Variants in SMIM31 observed in about 807,000 individuals in gnomAD.
The protein encoded by SMIM31 is human epithelial cell program regulator.
intron 1 of SMIM31, among the ~76,000 whole-genome samples, chr4:164,767,376 A>T (rs1251104757): frequency 6.6e-6 from 1 of 152,242 alleles, no homozygotes; most frequent in African/African-American, 2.4e-5. Context: ...GATAGAATAT[A>T]TGATAAAAGG....
At chr4:164,783,622 CAT>C (rs1732989766) in intron 2 of SMIM31, among the ~76,000 whole-genome samples, 1 of 147,382 alleles carries the variant, frequency 6.8e-6, no homozygotes, top group Non-Finnish European at 1.5e-5. Context: ...CTTAGAAAAA[CAT>C]GTGATCCATA....
intron 2 of SMIM31, among the ~76,000 whole-genome samples, chr4:164,772,156 C>T (rs996937701): frequency 6.7e-4 from 102 of 152,254 alleles, no homozygotes; most frequent in African/African-American, 2.3e-3. Context: ...GTGAAAGCCT[C>T]AGAAAGCCTC....
intron 2 of SMIM31, among the ~76,000 whole-genome samples, chr4:164,799,221 C>T (rs1368794765): frequency 6.6e-6 from 1 of 151,540 alleles, no homozygotes; most frequent in Non-Finnish European, 1.5e-5. Flanking sequence ...CCCCATCCCT[C>T]CAAAACTACA....
chr4:164,774,061 G>A (rs1226935046), intron 2 of SMIM31, among the ~76,000 whole-genome samples: 7 of 151,852 alleles, frequency 4.6e-5, no homozygotes, highest in Non-Finnish European at 7.4e-5. Flanking sequence ...AGCTACTCGG[G>A]AGGCTGAGGC....
At chr4:164,756,521 G>A (rs1336984179) in intron 1 of SMIM31, among the ~76,000 whole-genome samples, 8 of 151,722 alleles carry the variant, frequency 5.3e-5, no homozygotes, top group East Asian at 1.9e-4. Context: ...GCAGTGAGGC[G>A]AGATCACGTC....
chr4:164,796,930 A>G (rs945714583), intron 2 of SMIM31, among the ~76,000 whole-genome samples: 5 of 152,198 alleles, frequency 3.3e-5, no homozygotes, highest in African/African-American at 4.8e-5. Flanking sequence ...AACAGAGCCA[A>G]ACGTCTTTCA....
intron 1 of SMIM31, among the ~76,000 whole-genome samples, chr4:164,768,977 T>C (rs1475005644): frequency 3.9e-5 from 6 of 152,228 alleles, no homozygotes; most frequent in Non-Finnish European, 7.4e-5. Flanking sequence ...ATTTCACACA[T>C]GATTCTGGGA....
intron 2 of SMIM31, among the ~76,000 whole-genome samples, chr4:164,786,428 G>T (rs1279036309): frequency 6.6e-6 from 1 of 152,104 alleles, no homozygotes; most frequent in Non-Finnish European, 1.5e-5. Context: ...TTTCCTTAGG[G>T]ATAGTTAAAA....
At chr4:164,777,374 T>C in intron 2 of SMIM31, among the ~76,000 whole-genome samples, 1 of 152,208 alleles carries the variant, frequency 6.6e-6, no homozygotes, top group Non-Finnish European at 1.5e-5. Flanking sequence ...TATAGAATCA[T>C]TTTGCACCTA....
intron 1 of SMIM31, among the ~76,000 whole-genome samples, chr4:164,759,157 C>T (rs183770683): frequency 5.1e-4 from 77 of 152,002 alleles, no homozygotes; most frequent in African/African-American, 1.8e-3. Context: ...AATATTAGTC[C>T]GCAATTTACT....
At chr4:164,783,531 G>GAAA (rs67784042) in intron 2 of SMIM31, among the ~76,000 whole-genome samples, 1 of 114,622 alleles carries the variant, frequency 8.7e-6, no homozygotes, top group Non-Finnish European at 1.8e-5. Context: ...CTCAAAAAAA[G>GAAA]AAAAAAAAAA....
At chr4:164,795,835 T>C (rs976072486) in intron 2 of SMIM31, among the ~76,000 whole-genome samples, 3 of 152,146 alleles carry the variant, frequency 2.0e-5, no homozygotes, top group African/African-American at 7.2e-5. Flanking sequence ...GGCTGCATAG[T>C]ATAAAGGTGA....
At chr4:164,773,905 G>C (rs946307814) in intron 2 of SMIM31, among the ~76,000 whole-genome samples, 3 of 152,130 alleles carry the variant, frequency 2.0e-5, no homozygotes, top group Non-Finnish European at 4.4e-5. Context: ...GGTGGCTCAC[G>C]CCTGTAATCC....
intron 2 of SMIM31, among the ~76,000 whole-genome samples, chr4:164,798,224 A>ATTTTTTTTTT (rs1370282043): frequency 1.2e-5 from 1 of 85,734 alleles, no homozygotes; most frequent in African/African-American, 3.9e-5. Flanking sequence ...TGATATAATG[A>ATTTTTTTTTT]TTTTTATTTT....
intron 2 of SMIM31, among the ~76,000 whole-genome samples, chr4:164,785,832 T>G (rs73875020): frequency 1.9e-4 from 29 of 152,218 alleles, no homozygotes; most frequent in African/African-American, 6.5e-4. Flanking sequence ...ATCAGTTTCT[T>G]ATAATGGAAG....
chr4:164,782,527 C>G (rs1732967266), intron 2 of SMIM31, among the ~76,000 whole-genome samples: 1 of 149,628 alleles, frequency 6.7e-6, no homozygotes, highest in Non-Finnish European at 1.5e-5. Flanking sequence ...TACAGGCGCC[C>G]CCCACCACGC....
intron 2 of SMIM31, among the ~76,000 whole-genome samples, chr4:164,794,919 T>A (rs1489447477): frequency 6.6e-6 from 1 of 151,864 alleles, no homozygotes; most frequent in Non-Finnish European, 1.5e-5. Context: ...AATATTTTTT[T>A]AATCTGGAAA....
intron 2 of SMIM31, among the ~76,000 whole-genome samples, chr4:164,799,048 G>C (rs1733248635): frequency 6.6e-6 from 1 of 152,066 alleles, no homozygotes; most frequent in African/African-American, 2.4e-5. Context: ...GCCACGCTTG[G>C]GCAGCCTGCA....
rs1017340633 is a variant in SMIM31, at chr4:164,791,526, G to A, written c.113-9565G>A. Among the ~76,000 whole-genome samples the A allele has an allele frequency of 2.0e-5, 3 of 151,930 alleles. No individual in the cohort carries two copies. The East Asian group carries it at 5.8e-4, about 29-fold the overall frequency. On this transcript the variant is annotated intron_variant, in intron 2 of 2. Coordinates refer to ENST00000507311, the MANE Select transcript of SMIM31 (RefSeq NM_001352885.1). ...TTTTGTAATTTTTAGGTGGAGATGG[G>A]GTTTTCACTACCTTGCCCAGGCTGG... is the stretch of plus-strand genomic sequence containing the variant.
Sources: gnomAD v4.1 joint callset for allele counts (sites outside exome capture counted in the v4.1 genomes callset) on GRCh38, gnomAD v4.1.1 for gene constraint, MANE v1.5 for transcripts, NCBI Gene and HGNC (gene_info 2026-07-23, HGNC 2026-07-21) for gene names.